PXMP4: variants seen among roughly 807,000 people sequenced by gnomAD.
The protein encoded by PXMP4 is 24 kDa peroxisomal intrinsic membrane protein.
Under a neutral mutation model 21.6 loss-of-function variants are expected in PXMP4, and 16 were observed. The observed-to-expected ratio is 0.74, with a 90% confidence interval of 0.50 to 1.13. The LOEUF (loss-of-function observed/expected upper bound fraction) is 1.13. PXMP4 is among the 50% of genes most tolerant of loss of function. PXMP4 has a pLI of 0.00. For missense variants in PXMP4, 240 were observed against 277.7 expected (o/e 0.86, Z 0.96); for synonymous variants, 127 against 123.8 (o/e 1.03, Z -0.17).
At chr20:33,713,794 A>G (rs2018356172) in intron 2 of PXMP4, among the ~76,000 whole-genome samples, 1 of 152,256 alleles carries the variant, frequency 6.6e-6, no homozygotes, top group African/African-American at 2.4e-5. Context: ...GGAGGCTGCC[A>G]GTGCATGATT....
Position 33,717,657 on chromosome 20 carries a change from AAT to A in PXMP4, c.113+2436_113+2437del, listed in dbSNP as rs1568922751. Reference sequence around the variant, plus strand: ...TCCGTCTCAAAAAAAAAAAAAAAAAAATTATTAAATATTTTAAATGTTACATA... The same window carrying A: ...TCCGTCTCAAAAAAAAAAAAAAAAAATATTAAATATTTTAAATGTTACATA... On this transcript the variant is annotated intron_variant, in intron 1 of 3. Coordinates refer to ENST00000409299, the MANE Select transcript of PXMP4 (RefSeq NM_007238.5). Among the ~76,000 whole-genome samples, 9 of 148,922 alleles carry A rather than the reference AAT, an allele frequency of 6.0e-5. 2 individuals carry two copies. Among genetic ancestry groups the A allele is most frequent in the African/African-American group, 2.0e-4 (8 of 39,598 alleles).
chr20:33,714,821 C>A (rs372200141), intron 1 of PXMP4, 85 bp from the exon 2 acceptor site: 6 of 1,314,912 alleles, frequency 4.6e-6, no homozygotes, highest in African/African-American at 1.5e-5. Flanking sequence ...CTTGTTCTCT[C>A]CCCCCATCCC....
chr20:33,705,725 ACC>A lies in PXMP4; in HGVS notation c.*1979_*1980del, dbSNP rs1471796774. ...GGCCCCTATGGGCATTTGAATGTGT[ACC>A]CCTTTCTGGCCCATATCCTATAATG... On this transcript the variant is annotated 3_prime_UTR_variant, in exon 4 of 4. Transcript: ENST00000409299. 1 of 151,994 alleles carries A rather than the reference ACC, an allele frequency of 6.6e-6. No individual in the cohort carries two copies. The highest frequency in any genetic ancestry group is 1.5e-5 in the Non-Finnish European group (1 of 68,000). The allele number at this position is 151,994 out of a possible 1,614,324, so 9.4% of individuals were successfully genotyped here.
rs2018315542 is a variant in PXMP4 at position 33,710,539 on chromosome 20, T to C, written c.375+16A>G. ...CCACGCCCCCTTCACTACCCCCATCTCGGGAGGATCTTTACCTGGCTGTTG... is the reference window on the plus strand; with the variant it reads ...CCACGCCCCCTTCACTACCCCCATCCCGGGAGGATCTTTACCTGGCTGTTG... On this transcript the variant is annotated intron_variant, in intron 3 of 3. Transcript: ENST00000409299. The C allele has an allele frequency of 7.5e-7, 1 of 1,338,872 alleles. No homozygotes were observed. The highest frequency in any genetic ancestry group is 1.0e-6 in the Non-Finnish European group (1 of 997,966). The allele number at this position is 1,338,872 out of a possible 1,614,324, so 82.9% of individuals were successfully genotyped here.
chr20:33,712,828 A>C (rs34879158), intron 2 of PXMP4, among the ~76,000 whole-genome samples: 37,209 of 152,114 alleles, frequency 0.24, 4,763 homozygotes, highest in Admixed American at 0.33. Context: ...ACGGGGTTTC[A>C]CCATGTTGGC....
At chr20:33,710,803 A>G in intron 2 of PXMP4, 50 bp from the exon 3 acceptor site, 4 of 1,503,934 alleles carry the variant, frequency 2.7e-6, no homozygotes, top group Non-Finnish European at 2.7e-6. Context: ...AGCAGCCCCA[A>G]AGGGCTTTTA....
chr20:33,715,844 T>C lies in PXMP4; in HGVS notation c.114-1108A>G, dbSNP rs1379673669. Among the ~76,000 whole-genome samples the C allele has an allele frequency of 2.7e-5, 4 of 148,982 alleles. No homozygotes were observed. The South Asian group carries it at 8.4e-4, about 31-fold the overall frequency. ...ACGTTCTCACTGCAGCCAGTCTCTT[T>C]TTTTTTTTTTTTTTTTTGAGACGAA... On this transcript the variant is annotated intron_variant, in intron 1 of 3. Transcript: ENST00000409299.
rs1381275373 is a variant in PXMP4, at chr20:33,720,120, G to A, written c.88C>T (p.Leu30Phe). The A allele has an allele frequency of 1.2e-6, 2 of 1,613,734 alleles. No homozygotes were observed. Among genetic ancestry groups the A allele is most frequent in the Non-Finnish European group, 1.7e-6 (2 of 1,179,908 alleles). The change falls in exon 1 of 4, where the codon CTT becomes TTT. Residue 30 changes from leucine (L) to phenylalanine (F), a missense_variant. Transcript: ENST00000409299. ...KRRYHAALAV[L>F]KGFRNGAVYG... ...ACAGCCCCGTTCCGGAAGCCCTTAA[G>A]CACGGCCAACGCAGCGTGGTAGCGG...
At position 33,720,283 on chromosome 20, in the gene PXMP4, C is replaced by T; in HGVS notation, c.-76G>A. ...GCCGGAGGTTCCAGCTGCGCGCCCA[C>T]AGCCCCTCGGTAGCGCCGCCGACTC... On this transcript the variant is annotated 5_prime_UTR_variant, in exon 1 of 4. It adds an upstream start codon to the 5' untranslated region. Transcript: ENST00000409299. 1 of 1,344,698 alleles carries T rather than the reference C, an allele frequency of 7.4e-7. No homozygotes were observed. The highest frequency in any genetic ancestry group is 1.0e-6 in the Non-Finnish European group (1 of 968,458). 83.3% of individuals were successfully genotyped at this position (1,344,698 alleles called of 1,614,324 possible).
At chr20:33,708,330 G>A (rs900388226) in intron 3 of PXMP4, among the ~76,000 whole-genome samples, 2 of 151,838 alleles carry the variant, frequency 1.3e-5, no homozygotes, top group African/African-American at 4.8e-5. Context: ...GGGATTACAG[G>A]TGGCGCCCAC....
At chr20:33,708,853 A>AT (rs1374567425) in intron 3 of PXMP4, among the ~76,000 whole-genome samples, 12 of 151,982 alleles carry the variant, frequency 7.9e-5, no homozygotes, top group Admixed American at 6.6e-4. Flanking sequence ...ACCATGCCTA[A>AT]TTTTTTTGCA....
In PXMP4 at chr20:33,707,850, C is replaced by A. The variant is rs1430316357; in HGVS notation, c.495G>T (p.Gly165=). 1 of 1,614,120 alleles carries A rather than the reference C, an allele frequency of 6.2e-7. No homozygotes were observed. The highest frequency in any genetic ancestry group is 8.5e-7 in the Non-Finnish European group (1 of 1,180,028). Residue 165 remains glycine (G), a synonymous_variant, in exon 4 of 4, where the codon GGG becomes GGT. Coordinates refer to ENST00000409299, the MANE Select transcript of PXMP4 (RefSeq NM_007238.5). ...PFPLLTAVVW[G]LVLWLFEYHR... Reference sequence around the variant, plus strand: ...GATACTCAAAGAGCCACAGCACCAGCCCCCACACCACCGCAGTGAGCAGCG... The same window carrying A: ...GATACTCAAAGAGCCACAGCACCAGACCCCACACCACCGCAGTGAGCAGCG...
rs781559228 is a variant in PXMP4 at position 33,720,149 on chromosome 20, T to C, written c.59A>G (p.Lys20Arg). Residue 20 changes from lysine to arginine, a missense_variant, in exon 1 of 4, where the codon AAG (lysine) becomes AGG (arginine). By Grantham distance (26) the Lys-to-Arg change is conservative (BLOSUM62 2). Transcript: ENST00000409299. ...GGCCAACGCAGCGTGGTAGCGGCGC[T>C]TGCGCAGCAGTGCGTTGACGACTAC... ...LLVVVNALLR[K>R]RRYHAALAVL... 2 of 1,613,464 alleles carry C rather than the reference T, an allele frequency of 1.2e-6. No homozygotes were observed. Among genetic ancestry groups the C allele is most frequent in the African/African-American group, 2.7e-5 (2 of 74,950 alleles).
At chr20:33,713,731 AT>A (rs1162802755) in intron 2 of PXMP4, among the ~76,000 whole-genome samples, 1 of 152,258 alleles carries the variant, frequency 6.6e-6, no homozygotes, top group Non-Finnish European at 1.5e-5. Flanking sequence ...ATAGAAAAAA[AT>A]AAATAAGATA....
In PXMP4 at chr20:33,707,355, A is replaced by G. The variant is rs770080150; in HGVS notation, c.*351T>C. On this transcript the variant is annotated 3_prime_UTR_variant, in exon 4 of 4. Coordinates refer to ENST00000409299, the MANE Select transcript of PXMP4 (RefSeq NM_007238.5). The stretch of plus-strand genomic sequence containing the variant: ...GCCCACCAGCAAGGAGCCCTCTGTG[A>G]CATAAGAACAGTTGAAGAATGAACA... 1.2e-4 allele frequency: 26 copies of G among 211,266 alleles called. No individual in the cohort carries two copies. The highest frequency in any genetic ancestry group is 2.4e-4 in the Non-Finnish European group (25 of 105,142). 13.1% of individuals were successfully genotyped at this position (211,266 alleles called of 1,614,324 possible). A position where few individuals can be genotyped will look rare whatever the true frequency, so the allele number is the denominator to read the frequency against.
At position 33,720,297 on chromosome 20, in the gene PXMP4, C is replaced by T; in HGVS notation, c.-90G>A. ...CTGCGCGCCCACAGCCCCTCGGTAG[C>T]GCCGCCGACTCGTGGCGTCTATAGG... On this transcript the variant is annotated 5_prime_UTR_variant, in exon 1 of 4. Coordinates refer to ENST00000409299, the MANE Select transcript of PXMP4 (RefSeq NM_007238.5). 1.8e-6 allele frequency: 2 copies of T among 1,123,320 alleles called. No homozygotes were observed. The highest frequency in any genetic ancestry group is 2.6e-6 in the Non-Finnish European group (2 of 777,964). The allele number at this position is 1,123,320 out of a possible 1,614,324, so 69.6% of individuals were successfully genotyped here.
chr20:33,719,501 C>G (rs1479449592), intron 1 of PXMP4, among the ~76,000 whole-genome samples: 1 of 152,216 alleles, frequency 6.6e-6, no homozygotes, highest in East Asian at 1.9e-4. Flanking sequence ...GGAGACTGAG[C>G]TCCCCTCTAG....
chr20:33,710,877 T>G (rs1326919775), intron 2 of PXMP4, 124 bp from the exon 3 acceptor site: 1 of 950,666 alleles, frequency 1.1e-6, no homozygotes, highest in African/African-American at 1.7e-5. Flanking sequence ...GTCACCGGCC[T>G]CTACCCTTCA....
intron 3 of PXMP4, among the ~76,000 whole-genome samples, chr20:33,708,821 G>A (rs1439975141): frequency 6.6e-6 from 1 of 152,012 alleles, no homozygotes; most frequent in Non-Finnish European, 1.5e-5. Flanking sequence ...CTCCCAAGCA[G>A]CTGAGACTAC....
Sources: allele counts gnomAD v4.1 joint callset (sites outside exome capture counted in the v4.1 genomes callset), GRCh38; gene constraint gnomAD v4.1.1; transcripts MANE v1.5; gene names NCBI Gene and HGNC (gene_info 2026-07-23, HGNC 2026-07-21).